RIPOR1: variants seen among roughly 807,000 people sequenced by gnomAD.
The protein encoded by RIPOR1 is RHO family interacting cell polarization regulator 1, also known as rho family-interacting cell polarization regulator 1.
RIPOR1 carries 58 observed loss-of-function variants against 116.5 expected under a neutral mutation model. The observed-to-expected ratio is 0.50, with a 90% CI of 0.40 to 0.62. The LOEUF is 0.62. Ranked by LOEUF, RIPOR1 falls within the 20% of genes least tolerant of loss-of-function variation. RIPOR1 has a pLI of 0.00. For missense variants in RIPOR1, 1,372 were observed against 1,586.2 expected (o/e 0.86, Z 2.29); for synonymous variants, 605 against 650.0 (o/e 0.93, Z 1.05).
Position 67,545,396 on chromosome 16 carries a change from G to T in RIPOR1, c.3052G>T (p.Asp1018Tyr). The part of the protein sequence containing the change: ...AEAVCVKFLE[D>Y]ALGQKLPRRP... ...TGCAGTGTGTGTGAAGTTCCTGGAG[G>T]ATGCCCTGGGGCAGAAGCTGCCCAG... Residue 1018 changes from aspartate to tyrosine, a missense_variant, in exon 18 of 22, where the codon GAT (aspartate) becomes TAT (tyrosine). Asp to Tyr is a radical substitution (Grantham distance 160, BLOSUM62 -3). Coordinates refer to ENST00000042381, the MANE Select transcript of RIPOR1 (RefSeq NM_024519.4). This position sits in a 1 kb window ranked among gnomAD's most constrained non-coding sequence, Gnocchi z 4.8. 6.2e-7 allele frequency: 1 copy of T among 1,614,018 alleles called. No homozygotes were observed. The highest frequency in any genetic ancestry group is 8.5e-7 in the Non-Finnish European group (1 of 1,180,012).
chr16:67,522,422 G>T (rs540790765), intron 1 of RIPOR1, among the ~76,000 whole-genome samples: 1 of 150,950 alleles, frequency 6.6e-6, no homozygotes, highest in Admixed American at 6.6e-5. Flanking sequence ...GGCTGGTCTC[G>T]AACTCCTGAC....
At chr16:67,521,780 C>T (rs1163056784) in intron 1 of RIPOR1, among the ~76,000 whole-genome samples, 1 of 152,240 alleles carries the variant, frequency 6.6e-6, no homozygotes, top group Non-Finnish European at 1.5e-5. Flanking sequence ...TACACCTCCT[C>T]AGTGCAGAGG....
At position 67,529,436 on chromosome 16, in the gene RIPOR1, G is replaced by C. The variant is rs910888469; in HGVS notation, c.-24+522G>C. On this transcript the variant is annotated intron_variant, in intron 1 of 21. Transcript: ENST00000042381. The surrounding 1 kb of genome is among the most constrained non-coding windows in gnomAD (Gnocchi z 4.1). ...AGCCTGGGCTGGAGCCGGGCTCTCC[G>C]CCCAAACCTGGCGTAGCCGAAGCCG... The C allele has an allele frequency of 3.9e-6, 1 of 255,822 alleles. No individual in the cohort carries two copies. The highest frequency in any genetic ancestry group is 2.2e-5 in the African/African-American group (1 of 44,520). 15.8% of individuals were successfully genotyped at this position (255,822 alleles called of 1,614,324 possible).
At chr16:67,546,345 C>T in intron 21 of RIPOR1, 21 bp from the exon 22 acceptor site, 1 of 1,611,948 alleles carries the variant, frequency 6.2e-7, no homozygotes, top group Non-Finnish European at 8.5e-7. Context: ...CCACCCTTGA[C>T]CTCATCCTCA....
chr16:67,539,950 G>A, intron 6 of RIPOR1, 51 bp downstream of exon 6: 2 of 1,613,930 alleles, frequency 1.2e-6, no homozygotes, highest in Non-Finnish European at 1.7e-6. Context: ...GATATCATAG[G>A]GAGAAGAGGG....
Position 67,541,454 on chromosome 16 carries a change from A to G in RIPOR1, c.826A>G (p.Asn276Asp). 1 of 1,614,076 alleles carries G rather than the reference A, an allele frequency of 6.2e-7. No homozygotes were observed. Among genetic ancestry groups the G allele is most frequent in the Non-Finnish European group, 8.5e-7 (1 of 1,179,962 alleles). Reference protein sequence around the residue: ...IKVTELKGLANHVVVGSVSCE... With the variant: ...IKVTELKGLADHVVVGSVSCE... ...GGTGACAGAACTGAAGGGCCTGGCC[A>G]ACCATGTGGTTGTGGGCAGTGTCTC... Residue 276 changes from asparagine (N) to aspartate (D), a missense_variant, in exon 11 of 22, where the codon AAC (asparagine) becomes GAC (aspartate). Asn to Asp is a conservative substitution (Grantham distance 23, BLOSUM62 1). Coordinates refer to ENST00000042381, the MANE Select transcript of RIPOR1 (RefSeq NM_024519.4). The surrounding 1 kb of genome is among the most constrained non-coding windows in gnomAD (Gnocchi z 4.6).
Position 67,546,594 on chromosome 16 carries a change from ATTC to A in RIPOR1, c.*136_*138del, listed in dbSNP as rs1567581899. 6 of 711,176 alleles carry A rather than the reference ATTC, an allele frequency of 8.4e-6. No individual in the cohort carries two copies. Among genetic ancestry groups the A allele is most frequent in the Non-Finnish European group, 1.4e-5 (6 of 428,514 alleles). The allele number at this position is 711,176 out of a possible 1,614,324, so 44.1% of individuals were successfully genotyped here. A position where few individuals can be genotyped will look rare whatever the true frequency, so the allele number is the denominator to read the frequency against. On this transcript the variant is annotated 3_prime_UTR_variant, in exon 22 of 22. Coordinates refer to ENST00000042381, the MANE Select transcript of RIPOR1 (RefSeq NM_024519.4). ...ATTCCTAGCAATGAAAATCTAATAT[ATTC>A]TTCTGTTGCCCCTGGGGTTGGAGAG...
At chr16:67,536,462 G>C (rs2050797461) in intron 1 of RIPOR1, among the ~76,000 whole-genome samples, 1 of 152,136 alleles carries the variant, frequency 6.6e-6, no homozygotes, top group Non-Finnish European at 1.5e-5. Context: ...TGGGGATGGG[G>C]ATCAGGATGG....
At chr16:67,533,260 G>A (rs1469819610) in intron 1 of RIPOR1, among the ~76,000 whole-genome samples, 4 of 152,168 alleles carry the variant, frequency 2.6e-5, no homozygotes, top group South Asian at 2.1e-4. Flanking sequence ...GACAGCGCAC[G>A]CTGCATCTGG....
At chr16:67,522,819 C>G (rs1010773639) in intron 1 of RIPOR1, among the ~76,000 whole-genome samples, 2 of 151,924 alleles carry the variant, frequency 1.3e-5, no homozygotes, top group African/African-American at 4.8e-5. Context: ...TTTGCTGTTC[C>G]CTCTGCCTGG....
rs1234250635 is a variant in RIPOR1 at position 67,545,134 on chromosome 16, C to T, written c.3031+17C>T. On this transcript the variant is annotated intron_variant, in intron 17 of 21. Coordinates refer to ENST00000042381, the MANE Select transcript of RIPOR1 (RefSeq NM_024519.4). This position sits in a 1 kb window ranked among gnomAD's most constrained non-coding sequence, Gnocchi z 4.8. The stretch of plus-strand genomic sequence containing the variant: ...CTGAGGCTGGTGAGTGGGCTGCTTC[C>T]TCCTTCCACCCTTGCTCAGATTCCC... The T allele has an allele frequency of 1.2e-6, 2 of 1,609,390 alleles. No homozygotes were observed. Among genetic ancestry groups the T allele is most frequent in the South Asian group, 1.1e-5 (1 of 91,082 alleles).
chr16:67,521,604 C>A (rs765149714), intron 1 of RIPOR1, among the ~76,000 whole-genome samples: 7 of 152,128 alleles, frequency 4.6e-5, no homozygotes, highest in Non-Finnish European at 7.4e-5. Flanking sequence ...CAGCCCAGAC[C>A]GCGAGACACA....
intron 1 of RIPOR1, among the ~76,000 whole-genome samples, chr16:67,533,314 G>A (rs1209886112): frequency 6.6e-6 from 1 of 152,176 alleles, no homozygotes; most frequent in Non-Finnish European, 1.5e-5. Context: ...CTGGTGCTCA[G>A]AAGAGTGGCT....
rs777171446 is a variant in RIPOR1, at chr16:67,538,488, C to T, written c.42C>T (p.Ser14=). The T allele has an allele frequency of 1.2e-6, 2 of 1,611,388 alleles. No homozygotes were observed. The highest frequency in any genetic ancestry group is 4.5e-5 in the East Asian group (2 of 44,810). ...TGCGGCCGCAGCGCCGTCTGCTCAG[C>T]GCCCGGGTCAATAGGAGCCAGTCCT... The part of the protein sequence containing the change: ...LSVRPQRRLL[S]ARVNRSQSFA... Residue 14 remains serine, a synonymous_variant, in exon 2 of 22, where the codon AGC becomes AGT. Transcript: ENST00000042381.
In RIPOR1 at chr16:67,537,900, G is replaced by A. The variant is rs536335496; in HGVS notation, c.-23-524G>A. The stretch of plus-strand genomic sequence containing the variant: ...GGGCAGCAGGTCACGCTGGCAGGCG[G>A]GGGGCGGGCGACAAACCCGCACCGG... On this transcript the variant is annotated intron_variant, in intron 1 of 21. Transcript: ENST00000042381. The surrounding 1 kb of genome is among the most constrained non-coding windows in gnomAD (Gnocchi z 4.6). 5.6e-4 allele frequency among the ~76,000 whole-genome samples: 85 copies of A among 152,176 alleles called. No individual in the cohort carries two copies. Among genetic ancestry groups the A allele is most frequent in the Non-Finnish European group, 1.0e-3 (70 of 67,950 alleles).
chr16:67,545,225 C>T lies in RIPOR1; in HGVS notation c.3031+108C>T, dbSNP rs1259977575. The T allele has an allele frequency of 6.5e-6, 10 of 1,533,498 alleles. No individual in the cohort carries two copies. Among genetic ancestry groups the T allele is most frequent in the Non-Finnish European group, 8.0e-6 (9 of 1,129,398 alleles). The allele number at this position is 1,533,498 out of a possible 1,614,324, so 95.0% of individuals were successfully genotyped here. A position where few individuals can be genotyped will look rare whatever the true frequency, so the allele number is the denominator to read the frequency against. On this transcript the variant is annotated intron_variant, in intron 17 of 21. Coordinates refer to ENST00000042381, the MANE Select transcript of RIPOR1 (RefSeq NM_024519.4). This position sits in a 1 kb window ranked among gnomAD's most constrained non-coding sequence, Gnocchi z 4.8. ...ATAAACGAACTGGGCACCGAGGAGA[C>T]CAGCAAAGACTTGGGCCTTAGAGCA...
rs888309866 is a variant in RIPOR1, at chr16:67,529,551, G to A, written c.-24+637G>A. 8 of 520,336 alleles carry A rather than the reference G, an allele frequency of 1.5e-5. No homozygotes were observed. The highest frequency in any genetic ancestry group is 2.4e-5 in the Non-Finnish European group (7 of 291,806). The allele number at this position is 520,336 out of a possible 1,614,324, so 32.2% of individuals were successfully genotyped here. A position where few individuals can be genotyped will look rare whatever the true frequency, so the allele number is the denominator to read the frequency against. ...TGCAACAGCCGGGCCTGGGCTCTCT[G>A]CAGAACTGGTTTGGGCAAGGGGCTG... On this transcript the variant is annotated intron_variant, in intron 1 of 21. Transcript: ENST00000042381. This position sits in a 1 kb window ranked among gnomAD's most constrained non-coding sequence, Gnocchi z 4.1.
upstream of RIPOR1, among the ~76,000 whole-genome samples, chr16:67,526,795 T>G (rs1342773462): frequency 6.6e-6 from 1 of 152,156 alleles, no homozygotes; most frequent in Non-Finnish European, 1.5e-5. Context: ...GAGAAAGTAC[T>G]CAGAAGATGC....
rs1362785253 is a variant in RIPOR1, at chr16:67,537,691, G to A, written c.-23-733G>A. 2.3e-6 allele frequency: 2 copies of A among 870,484 alleles called. No homozygotes were observed. The highest frequency in any genetic ancestry group is 3.3e-5 in the East Asian group (1 of 30,086). The allele number at this position is 870,484 out of a possible 1,614,324, so 53.9% of individuals were successfully genotyped here. A position where few individuals can be genotyped will look rare whatever the true frequency, so the allele number is the denominator to read the frequency against. On this transcript the variant is annotated intron_variant, in intron 1 of 21. Coordinates refer to ENST00000042381, the MANE Select transcript of RIPOR1 (RefSeq NM_024519.4). This position sits in a 1 kb window ranked among gnomAD's most constrained non-coding sequence, Gnocchi z 4.6. ...CCAGGAGTGTGTGTTTCGCCGAAGC[G>A]GGGTGGGGGTCTGCCGAGGAGCTCT...
Sources: allele counts gnomAD v4.1 joint callset (sites outside exome capture counted in the v4.1 genomes callset), GRCh38; gene constraint gnomAD v4.1.1; non-coding constraint Gnocchi (gnomAD v3.1); transcripts MANE v1.5; gene names NCBI Gene and HGNC (gene_info 2026-07-23, HGNC 2026-07-21).